The following BDNF variants were observed in gnomAD, a reference collection of about 807,000 sequenced individuals.
BDNF encodes neurotrophic factor BDNF precursor form.
In BDNF, 1 loss-of-function variant was observed where a neutral mutation model predicts 19.5. The observed-to-expected ratio is 0.05, with a 90% CI of 0.02 to 0.24. The LOEUF is 0.24. Ranked by LOEUF, BDNF falls within the 10% of genes least tolerant of loss-of-function variation. The probability of loss-of-function intolerance (pLI) is 1.00; values close to 1 mark genes in which losing one functional copy is unlikely to be tolerated. For synonymous variants in BDNF, 100 were observed against 121.6 expected (o/e 0.82, Z 1.17); for missense variants, 195 against 317.6 (o/e 0.61, Z 2.93).
intron 1 of BDNF, among the ~76,000 whole-genome samples, chr11:27,709,420 TTAA>T (rs1479661740): frequency 4.6e-5 from 7 of 152,224 alleles, no homozygotes; most frequent in African/African-American, 1.7e-4. Context: ...CATTTTGAAA[TTAA>T]TAATATCTGA....
At chr11:27,719,125 G>C (rs1443588540) in intron 1 of BDNF, among the ~76,000 whole-genome samples, 2 of 152,232 alleles carry the variant, frequency 1.3e-5, no homozygotes, top group Non-Finnish European at 2.9e-5. Context: ...GCAGTTCGCT[G>C]TCCCCCGGGG....
intron 1 of BDNF, among the ~76,000 whole-genome samples, chr11:27,667,657 A>G (rs551707010): frequency 2.0e-5 from 3 of 152,354 alleles, no homozygotes; most frequent in African/African-American, 7.2e-5. Context: ...AACAAAGATC[A>G]AAAGAGACAA....
At chr11:27,700,890 C>A (rs1859853578), upstream of BDNF, 2 of 1,303,866 alleles carry the variant, frequency 1.5e-6, no homozygotes, top group Admixed American at 4.5e-5. Context: ...GCTCCCCTAG[C>A]TTTCAACTCT....
chr11:27,718,355 C>CCA (rs775687395), intron 1 of BDNF, among the ~76,000 whole-genome samples: 953 of 73,164 alleles, frequency 0.013, 17 homozygotes, highest in Non-Finnish European at 0.025. Flanking sequence ...CCGCACACCA[C>CCA]CCCCCCCCGC....
chr11:27,721,339 A>G, intron 1 of BDNF: 1 of 1,552,064 alleles, frequency 6.4e-7, no homozygotes, highest in Non-Finnish European at 8.9e-7. Flanking sequence ...TGCTAGGAAG[A>G]GCCGTGATAT....
At chr11:27,666,868 T>TC (rs1358065676) in intron 1 of BDNF, among the ~76,000 whole-genome samples, 1 of 152,024 alleles carries the variant, frequency 6.6e-6, no homozygotes, top group Non-Finnish European at 1.5e-5. Flanking sequence ...CAGGAGAACT[T>TC]CCCCAATCTA....
intron 1 of BDNF, among the ~76,000 whole-genome samples, chr11:27,706,260 A>G (rs572784073): frequency 6.6e-6 from 1 of 152,198 alleles, no homozygotes; most frequent in Non-Finnish European, 1.5e-5. Flanking sequence ...AATTTTTCTA[A>G]ATATGATAGA....
chr11:27,687,794 G>A (rs552706436), intron 1 of BDNF, among the ~76,000 whole-genome samples: 15 of 152,278 alleles, frequency 9.9e-5, no homozygotes, highest in East Asian at 3.9e-4. Flanking sequence ...TGTCCCAGAG[G>A]GGCACCCACC....
At position 27,700,438 on chromosome 11, in the gene BDNF, C is replaced by A; in HGVS notation, c.-296G>T. 2 of 984,536 alleles carry A rather than the reference C, an allele frequency of 2.0e-6. No individual in the cohort carries two copies. The highest frequency in any genetic ancestry group is 2.4e-6 in the Non-Finnish European group (2 of 829,630). 61.0% of individuals were successfully genotyped at this position (984,536 alleles called of 1,614,324 possible). Reference sequence around the variant, plus strand: ...GGCGCGGCGGCGGCAGCGTCGGGGACCCGGAGCTCCAGGCTGCGCCTTGCG... The same window carrying A: ...GGCGCGGCGGCGGCAGCGTCGGGGAACCGGAGCTCCAGGCTGCGCCTTGCG... On this transcript the variant is annotated 5_prime_UTR_variant, in exon 1 of 2. Coordinates refer to ENST00000356660, the MANE Select transcript of BDNF (RefSeq NM_001709.5).
At position 27,662,703 on chromosome 11, in the gene BDNF, C is replaced by T. The variant is rs527458734; in HGVS notation, c.-21-4118G>A. Among the ~76,000 whole-genome samples, 11 of 152,356 alleles carry T rather than the reference C, an allele frequency of 7.2e-5. 1 individual carries two copies. Among genetic ancestry groups the T allele is most frequent in the African/African-American group, 2.6e-4 (11 of 41,588 alleles). On this transcript the variant is annotated intron_variant, in intron 1 of 1. Coordinates refer to ENST00000356660, the MANE Select transcript of BDNF (RefSeq NM_001709.5). ...TGCATGTGCAGTTCACAACAGGGCT[C>T]ATGCTTCTATGAGAATCTAATGCTG...
chr11:27,667,539 C>T (rs561263624), intron 1 of BDNF, among the ~76,000 whole-genome samples: 11 of 152,158 alleles, frequency 7.2e-5, no homozygotes, highest in South Asian at 2.1e-4. Context: ...TGTGCAGAGA[C>T]GCACATAGGC....
At chr11:27,713,118 G>A (rs1860402629) in intron 1 of BDNF, among the ~76,000 whole-genome samples, 1 of 151,828 alleles carries the variant, frequency 6.6e-6, no homozygotes, top group African/African-American at 2.4e-5. Context: ...AGGCTGGTCT[G>A]GAACTCCTGA....
intron 1 of BDNF, among the ~76,000 whole-genome samples, chr11:27,678,796 AGG>A (rs779632053): frequency 6.9e-4 from 105 of 152,272 alleles, no homozygotes; most frequent in Non-Finnish European, 1.2e-3. Context: ...ATTCTTTAAA[AGG>A]GGTTAAAAAA....
chr11:27,715,099 G>A (rs1197437479), intron 1 of BDNF, among the ~76,000 whole-genome samples: 1 of 152,058 alleles, frequency 6.6e-6, no homozygotes, highest in Non-Finnish European at 1.5e-5. Context: ...GCACATAATG[G>A]CAAATTATGT....
At chr11:27,709,626 C>A (rs1321345098) in intron 1 of BDNF, among the ~76,000 whole-genome samples, 1 of 152,124 alleles carries the variant, frequency 6.6e-6, no homozygotes, top group African/African-American at 2.4e-5. Context: ...GTCAAAAGAA[C>A]TTTGGTCCTA....
intron 1 of BDNF, chr11:27,659,458 GAA>G (rs1277613430): frequency 1.0e-6 from 1 of 1,000,172 alleles, no homozygotes. Context: ...GGAGAAAACT[GAA>G]AAAGTCAGCA....
At position 27,684,932 on chromosome 11, in the gene BDNF, T is replaced by G. The variant is rs575751357; in HGVS notation, c.-22+15232A>C. ...GACTCATAAAATGAGTTAGGGAGGA[T>G]TCCCTCCTTTTCTATTGATTGGAAT... On this transcript the variant is annotated intron_variant, in intron 1 of 1. Transcript: ENST00000356660. Among the ~76,000 whole-genome samples the G allele has an allele frequency of 6.6e-5, 10 of 152,310 alleles. No individual in the cohort carries two copies. In the South Asian group the frequency reaches 2.1e-3, roughly 32 times the overall value.
At chr11:27,691,897 G>A (rs1406834894) in intron 1 of BDNF, among the ~76,000 whole-genome samples, 3 of 152,000 alleles carry the variant, frequency 2.0e-5, no homozygotes, top group Non-Finnish European at 4.4e-5. Flanking sequence ...GAAGGTGAAC[G>A]GTGAGAAGTT....
At chr11:27,683,792 T>C (rs941233304) in intron 1 of BDNF, among the ~76,000 whole-genome samples, 1 of 152,252 alleles carries the variant, frequency 6.6e-6, no homozygotes, top group Non-Finnish European at 1.5e-5. Context: ...AGTACCATGA[T>C]GTTTTGGTTA....
Sources: allele counts gnomAD v4.1 joint callset (sites outside exome capture counted in the v4.1 genomes callset), GRCh38; gene constraint gnomAD v4.1.1; transcripts MANE v1.5; gene names NCBI Gene and HGNC (gene_info 2026-07-23, HGNC 2026-07-21).